The following SLC5A12 variants were observed in gnomAD, a reference collection of about 807,000 sequenced individuals.
SLC5A12 encodes sodium-coupled monocarboxylate transporter 2.
Under a neutral mutation model 72.7 loss-of-function variants are expected in SLC5A12, and 46 were observed. The ratio of observed to expected loss-of-function variants is 0.63; its 90% confidence interval spans 0.50 to 0.81. The LOEUF (loss-of-function observed/expected upper bound fraction) is 0.81. Among genes scored for constraint, SLC5A12 ranks in the 30% least tolerant of loss-of-function variants. The probability of loss-of-function intolerance (pLI) is 0.00; values close to 1 mark genes in which losing one functional copy is unlikely to be tolerated. For synonymous variants in SLC5A12, 275 were observed against 264.4 expected (o/e 1.04, Z -0.39); for missense variants, 683 against 740.7 (o/e 0.92, Z 0.90).
At chr11:26,705,441 C>G (rs964210131) in intron 4 of SLC5A12, among the ~76,000 whole-genome samples, 1 of 152,060 alleles carries the variant, frequency 6.6e-6, no homozygotes, top group Non-Finnish European at 1.5e-5. Context: ...TCTGGTTACT[C>G]CTCCAGAGTG....
intron 9 of SLC5A12, among the ~76,000 whole-genome samples, chr11:26,688,216 A>G (rs1854583565): frequency 6.6e-6 from 1 of 152,234 alleles, no homozygotes; most frequent in African/African-American, 2.4e-5. Context: ...AATATCTCCC[A>G]AAAACAAAGC....
At chr11:26,698,922 C>T (rs1339738982) in intron 6 of SLC5A12, among the ~76,000 whole-genome samples, 3 of 152,122 alleles carry the variant, frequency 2.0e-5, no homozygotes, top group Admixed American at 1.3e-4. Flanking sequence ...AGGCAACTTA[C>T]ATTTTTAACA....
At chr11:26,685,269 T>A (rs1475889089) in intron 10 of SLC5A12, among the ~76,000 whole-genome samples, 2 of 152,178 alleles carry the variant, frequency 1.3e-5, no homozygotes, top group African/African-American at 4.8e-5. Flanking sequence ...GACTCATATC[T>A]TCATTTGAAA....
chr11:26,704,956 T>G (rs2133199047), intron 4 of SLC5A12, among the ~76,000 whole-genome samples: 1 of 152,082 alleles, frequency 6.6e-6, no homozygotes, highest in African/African-American at 2.4e-5. Context: ...AATGGTCAAA[T>G]GGTGAGGTAA....
chr11:26,700,031 A>T (rs1854920970), intron 6 of SLC5A12, among the ~76,000 whole-genome samples: 1 of 152,190 alleles, frequency 6.6e-6, no homozygotes, highest in Non-Finnish European at 1.5e-5. Flanking sequence ...CTTTATCCTT[A>T]ACAACTGTGT....
At position 26,719,401 on chromosome 11, in the gene SLC5A12, C is replaced by T. The variant is rs896325632; in HGVS notation, c.339+1975G>A. The stretch of plus-strand genomic sequence containing the variant: ...CATCTGATGTCTCTGCCCTCAACTC[C>T]CTAAACATCAGTAGTGACTCCTAAT... On this transcript the variant is annotated intron_variant, in intron 1 of 14. Transcript: ENST00000396005. Among the ~76,000 whole-genome samples the T allele has an allele frequency of 1.3e-4, 20 of 152,134 alleles. 2 individuals are homozygous for T. Among genetic ancestry groups the T allele is most frequent in the Admixed American group, 1.2e-3 (18 of 15,262 alleles).
At chr11:26,676,852 A>G (rs1359780562) in intron 13 of SLC5A12, among the ~76,000 whole-genome samples, 1 of 152,086 alleles carries the variant, frequency 6.6e-6, no homozygotes, top group Non-Finnish European at 1.5e-5. Flanking sequence ...GAGTAACATA[A>G]ACAGCATATC....
chr11:26,701,137 A>G (rs1206556644), intron 6 of SLC5A12, among the ~76,000 whole-genome samples: 1 of 150,560 alleles, frequency 6.6e-6, no homozygotes, highest in Non-Finnish European at 1.5e-5. Context: ...TGTGTGACAG[A>G]TGGGACCCCC....
intron 10 of SLC5A12, among the ~76,000 whole-genome samples, chr11:26,686,053 G>A (rs1195006619): frequency 1.3e-5 from 2 of 152,134 alleles, no homozygotes; most frequent in Non-Finnish European, 2.9e-5. Flanking sequence ...AAGTGATGAA[G>A]ATTAAATGAA....
chr11:26,701,852 C>A (rs953633541), intron 6 of SLC5A12, among the ~76,000 whole-genome samples: 4 of 152,086 alleles, frequency 2.6e-5, no homozygotes, highest in African/African-American at 9.7e-5. Context: ...ATGGCCTTCT[C>A]GAGGCATTAC....
At position 26,673,439 on chromosome 11, in the gene SLC5A12, C is replaced by T; in HGVS notation, c.1670G>A (p.Cys557Tyr). The T allele has an allele frequency of 6.2e-7, 1 of 1,610,822 alleles. No homozygotes were observed. The highest frequency in any genetic ancestry group is 8.5e-7 in the Non-Finnish European group (1 of 1,178,480). Residue 557 changes from cysteine to tyrosine, a missense_variant, in exon 14 of 15, where the codon TGC becomes TAC. Transcript: ENST00000396005. Reference sequence around the variant, plus strand: ...ACTGTCATGCTGAACTCCACACCAGCATAGTGTTTTGTACTTCTTAGACCA... The same window carrying T: ...ACTGTCATGCTGAACTCCACACCAGTATAGTGTTTTGTACTTCTTAGACCA... ...CFWSKKYKTL[C>Y]WCGVQHDSGT...
At position 26,721,694 on chromosome 11, in the gene SLC5A12, T is replaced by C; in HGVS notation, c.21A>G (p.Ala7=). 6.2e-7 allele frequency: 1 copy of C among 1,613,528 alleles called. No individual in the cohort carries two copies. The highest frequency in any genetic ancestry group is 1.1e-5 in the South Asian group (1 of 91,034). MEVKNF[A]VWDYVVFAAL... ...CTGCAAATACAACATAATCCCAAAC[T>C]GCAAAGTTCTTCACCTCCATATTGG... The change falls in exon 1 of 15, where the codon GCA becomes GCG. Residue 7 remains alanine (A), a synonymous_variant. Transcript: ENST00000396005.
intron 12 of SLC5A12, among the ~76,000 whole-genome samples, chr11:26,679,395 T>C (rs1407414602): frequency 1.3e-5 from 2 of 152,066 alleles, no homozygotes; most frequent in Non-Finnish European, 2.9e-5. Flanking sequence ...ACAGTAAGTA[T>C]AGGCAGGAGG....
chr11:26,703,774 A>G lies in SLC5A12; in HGVS notation c.680+19T>C. ...TAGCTAAGTCTTTGTAAAGTATGAA[A>G]AAGTTGCATTGGACATACTCAAATA... On this transcript the variant is annotated intron_variant, in intron 5 of 14. Transcript: ENST00000396005. 1.9e-6 allele frequency: 3 copies of G among 1,613,286 alleles called. No homozygotes were observed. Among genetic ancestry groups the G allele is most frequent in the Middle Eastern group, 1.7e-4 (1 of 6,056 alleles).
rs1854040180 is a variant in SLC5A12, at chr11:26,668,076, G to T, written c.*3026C>A. Reference sequence around the variant, plus strand: ...GTAATTTTTACTCCTATTAATTGGTGAATAAACTAAGATTTTAAAATATTG... The same window carrying T: ...GTAATTTTTACTCCTATTAATTGGTTAATAAACTAAGATTTTAAAATATTG... On this transcript the variant is annotated 3_prime_UTR_variant, in exon 15 of 15. Coordinates refer to ENST00000396005, the MANE Select transcript of SLC5A12 (RefSeq NM_178498.4). The T allele has an allele frequency of 6.6e-6, 1 of 151,876 alleles. No homozygotes were observed. Among genetic ancestry groups the T allele is most frequent in the African/African-American group, 2.4e-5 (1 of 41,362 alleles). The allele number at this position is 151,876 out of a possible 1,614,324, so 9.4% of individuals were successfully genotyped here. A position where few individuals can be genotyped will look rare whatever the true frequency, so the allele number is the denominator to read the frequency against.
At chr11:26,707,701 T>C (rs1373859214) in intron 4 of SLC5A12, among the ~76,000 whole-genome samples, 1 of 152,076 alleles carries the variant, frequency 6.6e-6, no homozygotes, top group Non-Finnish European at 1.5e-5. Context: ...TCTTATTCAG[T>C]ATCTTTTAAT....
At chr11:26,671,494 G>A (rs1854142069) in intron 14 of SLC5A12, among the ~76,000 whole-genome samples, 1 of 152,072 alleles carries the variant, frequency 6.6e-6, no homozygotes, top group Admixed American at 6.6e-5. Context: ...GTCTCGTGTT[G>A]CATGAAGAAA....
chr11:26,672,104 A>T (rs549985219), intron 14 of SLC5A12, among the ~76,000 whole-genome samples: 1 of 152,284 alleles, frequency 6.6e-6, no homozygotes, highest in East Asian at 1.9e-4. Flanking sequence ...GAATTGAAAG[A>T]TCTACCTTAA....
At chr11:26,688,797 C>T (rs1050838432) in intron 9 of SLC5A12, among the ~76,000 whole-genome samples, 3 of 152,046 alleles carry the variant, frequency 2.0e-5, no homozygotes, top group African/African-American at 7.2e-5. Flanking sequence ...TAAGGAAAAA[C>T]TGCAAGGAAA....
Sources: allele counts gnomAD v4.1 joint callset (sites outside exome capture counted in the v4.1 genomes callset), GRCh38; gene constraint gnomAD v4.1.1; transcripts MANE v1.5; gene names NCBI Gene and HGNC (gene_info 2026-07-23, HGNC 2026-07-21).